DPH6: variants seen among roughly 807,000 people sequenced by gnomAD.
The protein encoded by DPH6 is diphthine--ammonia ligase.
In DPH6, 33 loss-of-function variants were observed where a neutral mutation model predicts 38.2. That is an observed-to-expected ratio of 0.86 (90% CI 0.65 to 1.15). The LOEUF (loss-of-function observed/expected upper bound fraction) is 1.15, where lower values mean the gene tolerates loss of function less well. DPH6 is among the 50% of genes most tolerant of loss of function. The pLI is 0.00. For synonymous variants in DPH6, 108 were observed against 103.0 expected, an observed-to-expected ratio of 1.05 and a Z score of -0.30; for missense variants, 325 against 320.0, an observed-to-expected ratio of 1.02 and a Z score of -0.12.
chr15:35,189,813 C>T, the DPH6 span, among the ~76,000 whole-genome samples: 3 of 152,128 alleles, frequency 2.0e-5, no homozygotes, highest in Non-Finnish European at 4.4e-5. Flanking sequence ...CTTAAATATC[C>T]TTTTTACCGG....
At chr15:35,291,410 CA>C (rs1566861050) in intron 3 of DPH6, among the ~76,000 whole-genome samples, 1 of 151,994 alleles carries the variant, frequency 6.6e-6, no homozygotes. Context: ...TACATGCTGA[CA>C]AAAAATAAGC....
chr15:35,508,504 C>T (rs1262531813), intron 3 of DPH6, among the ~76,000 whole-genome samples: 1 of 152,074 alleles, frequency 6.6e-6, no homozygotes, highest in Non-Finnish European at 1.5e-5. Flanking sequence ...ATTTGTACAA[C>T]CTGATGTTTA....
intron 3 of DPH6, among the ~76,000 whole-genome samples, chr15:35,350,499 T>C (rs761005529): frequency 6.6e-6 from 1 of 152,156 alleles, no homozygotes; most frequent in Non-Finnish European, 1.5e-5. Flanking sequence ...GTTCTTACTT[T>C]TGTAGTTCTT....
At chr15:35,334,912 A>G (rs1281250036) in intron 3 of DPH6, among the ~76,000 whole-genome samples, 1 of 152,154 alleles carries the variant, frequency 6.6e-6, no homozygotes, top group Non-Finnish European at 1.5e-5. Context: ...CTTTGGGTAT[A>G]TACTCAGTAA....
chr15:35,380,763 T>G (rs758035513), intron 7 of DPH6, among the ~76,000 whole-genome samples: 6 of 152,180 alleles, frequency 3.9e-5, no homozygotes, highest in Admixed American at 6.5e-5. Context: ...TATGACTTAT[T>G]TTTTACCACC....
In DPH6 at chr15:35,397,859, TTA is replaced by T. The variant is rs60188110; in HGVS notation, c.567+12974_567+12975del. Among the ~76,000 whole-genome samples the T allele has an allele frequency of 4.2e-3, 474 of 112,578 alleles. 7 individuals carry two copies. The highest frequency in any genetic ancestry group is 0.017 in the African/African-American group (455 of 26,922). The allele number at this position is 112,578 out of a possible 152,430, so 73.9% of individuals were successfully genotyped here. A position where few individuals can be genotyped will look rare whatever the true frequency, so the allele number is the denominator to read the frequency against. On this transcript the variant is annotated intron_variant, in intron 6 of 8. Transcript: ENST00000256538. Reference sequence around the variant, plus strand: ...TATAATAAAAATAGATGGAATCAATTTATATATATACACACACACACACACAC... The same window carrying T: ...TATAATAAAAATAGATGGAATCAATTTATATATACACACACACACACACAC...
intron 3 of DPH6, among the ~76,000 whole-genome samples, chr15:35,250,638 A>T (rs1046474602): frequency 6.6e-6 from 1 of 152,170 alleles, no homozygotes; most frequent in Non-Finnish European, 1.5e-5. Context: ...ATATACCCAA[A>T]CCATTAATTA....
At chr15:35,154,975 GTTC>G in the DPH6 span, among the ~76,000 whole-genome samples, 1 of 152,186 alleles carries the variant, frequency 6.6e-6, no homozygotes. Flanking sequence ...TGAGGAAAAT[GTTC>G]TTTTTCCCTC....
rs543235895 is a variant in DPH6 at position 35,446,834 on chromosome 15, C to G, written c.505+3851G>C. Reference sequence around the variant, plus strand: ...CTACATTGAGTCATCAAGGGGCACTCTGCCATTTTATTCCTCTAGATTACA... The same window carrying G: ...CTACATTGAGTCATCAAGGGGCACTGTGCCATTTTATTCCTCTAGATTACA... On this transcript the variant is annotated intron_variant, in intron 5 of 8. Coordinates refer to ENST00000256538, the MANE Select transcript of DPH6 (RefSeq NM_080650.4). Among the ~76,000 whole-genome samples the G allele has an allele frequency of 4.0e-5, 6 of 151,856 alleles. No individual in the cohort carries two copies. In the South Asian group the frequency reaches 1.2e-3, roughly 32 times the overall value.
rs574202809 is a variant in DPH6 at position 35,270,862 on chromosome 15, G to T, written n.201-50280C>A. ...AATACATTTTTATTTAAATCTCATA[G>T]CAGTTTTACGATGTAAAGATCCTTT... is the stretch of plus-strand genomic sequence containing the variant. On this transcript the variant is annotated intron_variant and non_coding_transcript_variant, in intron 3 of 3. Transcript: ENST00000560386. Among the ~76,000 whole-genome samples the T allele has an allele frequency of 2.6e-5, 4 of 152,150 alleles. No homozygotes were observed. In the South Asian group the frequency reaches 8.3e-4, roughly 31 times the overall value.
intron 6 of DPH6, among the ~76,000 whole-genome samples, chr15:35,393,984 A>C (rs1325758012): frequency 6.6e-6 from 1 of 152,184 alleles, no homozygotes; most frequent in Non-Finnish European, 1.5e-5. Context: ...TTTATGTGGC[A>C]TATAATACCA....
At chr15:35,489,857 C>G in intron 3 of DPH6, 1 of 969,548 alleles carries the variant, frequency 1.0e-6, no homozygotes, top group East Asian at 1.1e-4. Flanking sequence ...TAAGAGTTAC[C>G]TGGATTATAC....
rs199615446 is a variant in DPH6, at chr15:35,344,820, TTCTTA to T, written n.208-13748_208-13744del. On this transcript the variant is annotated intron_variant and non_coding_transcript_variant, in intron 3 of 3. Transcript: ENST00000558973. ...GTGCAAAAATATAAGCAAATACTAG[TTCTTA>T]TCTTAAACTGAATTTGAACTACCTT... 6.9e-3 allele frequency among the ~76,000 whole-genome samples: 1,055 copies of T among 152,002 alleles called. 15 individuals are homozygous for T. Among genetic ancestry groups the T allele is most frequent in the African/African-American group, 0.024 (984 of 41,550 alleles).
At chr15:35,381,121 C>T (rs908473024) in intron 7 of DPH6, among the ~76,000 whole-genome samples, 1 of 152,078 alleles carries the variant, frequency 6.6e-6, no homozygotes, top group Non-Finnish European at 1.5e-5. Context: ...AATACTGAAG[C>T]CTTCCATTCA....
At chr15:35,427,682 G>A (rs1306185451) in intron 5 of DPH6, among the ~76,000 whole-genome samples, 2 of 151,788 alleles carry the variant, frequency 1.3e-5, no homozygotes, top group Middle Eastern at 3.4e-3. Flanking sequence ...TAAAATACTA[G>A]ATAGAAGTAA....
the DPH6 span, among the ~76,000 whole-genome samples, chr15:35,181,458 A>T: frequency 2.6e-5 from 3 of 117,456 alleles, 1 homozygote; most frequent in Admixed American, 1.0e-4. Flanking sequence ...TGTCAGTTAT[A>T]AAAAAAAACT....
At chr15:35,165,931 C>T in the DPH6 span, among the ~76,000 whole-genome samples, 1 of 151,948 alleles carries the variant, frequency 6.6e-6, no homozygotes, top group Non-Finnish European at 1.5e-5. Flanking sequence ...AACTGTTATA[C>T]CTCATATCAG....
intron 3 of DPH6, among the ~76,000 whole-genome samples, chr15:35,248,303 A>G (rs1044367047): frequency 6.6e-6 from 1 of 152,140 alleles, no homozygotes; most frequent in Non-Finnish European, 1.5e-5. Flanking sequence ...CATAAACCTA[A>G]AATTACTACT....
chr15:35,226,976 CTT>C (rs1171667809), intron 3 of DPH6, among the ~76,000 whole-genome samples: 1 of 151,986 alleles, frequency 6.6e-6, no homozygotes, highest in Non-Finnish European at 1.5e-5. Flanking sequence ...TACTGGGAGA[CTT>C]TTCATTATGG....
Sources: gnomAD v4.1 joint callset for allele counts (sites outside exome capture counted in the v4.1 genomes callset) on GRCh38, gnomAD v4.1.1 for gene constraint, MANE v1.5 for transcripts, NCBI Gene and HGNC (gene_info 2026-07-23, HGNC 2026-07-21) for gene names.